Variants in BLOC1S5 observed in about 807,000 individuals in gnomAD.
The protein encoded by BLOC1S5 is biogenesis of lysosome-related organelles complex 1 subunit 5.
In BLOC1S5, 27 loss-of-function variants were observed where a neutral mutation model predicts 24.3. The ratio of observed to expected loss-of-function variants is 1.11; its 90% CI spans 0.82 to 1.53. BLOC1S5 has a LOEUF of 1.53. BLOC1S5 is among the 40% of genes most tolerant of loss of function. BLOC1S5 has a pLI of 0.00. For missense variants in BLOC1S5, 239 were observed against 229.4 expected (o/e 1.04, Z -0.27); for synonymous variants, 84 against 74.5 (o/e 1.13, Z -0.66).
intron 2 of BLOC1S5, among the ~76,000 whole-genome samples, chr6:8,052,390 G>A (rs1764143650): frequency 6.6e-6 from 1 of 152,152 alleles, no homozygotes; most frequent in South Asian, 2.1e-4. Flanking sequence ...TCTGGACAAA[G>A]TAAATTGAAG....
intron 4 of BLOC1S5, among the ~76,000 whole-genome samples, chr6:8,019,083 T>C (rs1002614096): frequency 6.6e-6 from 1 of 152,242 alleles, no homozygotes; most frequent in Non-Finnish European, 1.5e-5. Flanking sequence ...CATATTCAAG[T>C]AGCCTGTTCA....
chr6:8,046,755 T>G (rs1159103667), intron 2 of BLOC1S5, among the ~76,000 whole-genome samples: 1 of 148,142 alleles, frequency 6.8e-6, no homozygotes, highest in African/African-American at 2.5e-5. Flanking sequence ...TATTTCAACC[T>G]GTATCTTTTT....
intron 2 of BLOC1S5, among the ~76,000 whole-genome samples, chr6:8,052,127 C>T (rs539049777): frequency 1.0e-3 from 153 of 151,990 alleles, no homozygotes; most frequent in African/African-American, 3.3e-3. Context: ...CCACCACGCC[C>T]GGCTAATTTT....
rs370625653 is a variant in BLOC1S5, at chr6:8,021,729, GTTATA to G, written c.384+4633_384+4637del. Among the ~76,000 whole-genome samples the G allele has an allele frequency of 5.7e-3, 873 of 152,224 alleles. 7 individuals are homozygous for G. The highest frequency in any genetic ancestry group is 0.02 in the African/African-American group (812 of 41,532). On this transcript the variant is annotated intron_variant, in intron 4 of 4. Transcript: ENST00000397457. ...TTTTAAAATGGTTATGAAGGTAAAT[GTTATA>G]TTATATGAATTTTGCCACAATAAAA...
chr6:8,047,142 C>CCT (rs761994219), intron 2 of BLOC1S5, among the ~76,000 whole-genome samples: 1,476 of 102,228 alleles, frequency 0.014, 23 homozygotes, highest in African/African-American at 0.047. Context: ...AATAAGACCA[C>CCT]CTCTCTCTCT....
chr6:8,054,076 T>C (rs185799933), intron 2 of BLOC1S5, among the ~76,000 whole-genome samples: 1 of 152,346 alleles, frequency 6.6e-6, no homozygotes, highest in East Asian at 1.9e-4. Context: ...TAACTTTGTA[T>C]ATAACACCTT....
Position 8,062,516 on chromosome 6 carries a change from A to G in BLOC1S5, c.195+18T>C, listed in dbSNP as rs770655897. The G allele has an allele frequency of 4.1e-6, 6 of 1,463,270 alleles. No homozygotes were observed. The East Asian group carries it at 9.2e-5, about 22-fold the overall frequency. 90.6% of individuals were successfully genotyped at this position (1,463,270 alleles called of 1,614,324 possible). ...ACAATTAGGGAAGTACTTTTATAAA[A>G]TAAGTTTAAATACTCACTTCAAATT... is the stretch of plus-strand genomic sequence containing the variant. On this transcript the variant is annotated intron_variant, in intron 2 of 4. Transcript: ENST00000397457.
chr6:8,032,367 A>G (rs1302066277), intron 3 of BLOC1S5, among the ~76,000 whole-genome samples: 1 of 152,226 alleles, frequency 6.6e-6, no homozygotes, highest in Non-Finnish European at 1.5e-5. Flanking sequence ...AATGCTCAAT[A>G]TCAATAATTT....
chr6:8,056,979 G>A (rs1008111240), intron 2 of BLOC1S5, among the ~76,000 whole-genome samples: 1 of 152,178 alleles, frequency 6.6e-6, no homozygotes, highest in Non-Finnish European at 1.5e-5. Context: ...CACTTTGGGA[G>A]GCCGAGGCAG....
intron 3 of BLOC1S5, among the ~76,000 whole-genome samples, chr6:8,027,604 C>T (rs1276525076): frequency 2.0e-5 from 3 of 152,158 alleles, no homozygotes; most frequent in African/African-American, 4.8e-5. Flanking sequence ...GAGGCCGTGG[C>T]GGGCAGATCA....
At chr6:8,023,818 G>C (rs187536949) in intron 4 of BLOC1S5, among the ~76,000 whole-genome samples, 1 of 140,728 alleles carries the variant, frequency 7.1e-6, no homozygotes, top group Admixed American at 6.8e-5. Context: ...GTGTGTGTGC[G>C]TGCACATGTG....
In BLOC1S5 at chr6:8,052,319, A is replaced by T. The variant is rs935906310; in HGVS notation, c.195+10215T>A. Among the ~76,000 whole-genome samples, 4 of 152,088 alleles carry T rather than the reference A, an allele frequency of 2.6e-5. 1 individual carries two copies. The highest frequency in any genetic ancestry group is 9.7e-5 in the African/African-American group (4 of 41,392). On this transcript the variant is annotated intron_variant, in intron 2 of 4. Transcript: ENST00000397457. The stretch of plus-strand genomic sequence containing the variant: ...TTAAGAAATCATTTCAACTTTCAAG[A>T]CTTATTATTTAAGAAATAGATTTCT...
intron 4 of BLOC1S5, among the ~76,000 whole-genome samples, chr6:8,023,044 C>A (rs550327772): frequency 6.6e-6 from 1 of 152,224 alleles, no homozygotes; most frequent in East Asian, 1.9e-4. Context: ...TTGAATAGGG[C>A]TTCAAAAGTT....
At position 8,015,661 on chromosome 6, in the gene BLOC1S5, A is replaced by G; in HGVS notation, c.552T>C (p.Phe184=). The change falls in exon 5 of 5, where the codon TTT becomes TTC. Residue 184 remains phenylalanine (F), a synonymous_variant. Coordinates refer to ENST00000397457, the MANE Select transcript of BLOC1S5 (RefSeq NM_201280.3). The part of the protein sequence containing the change: ...YAEMEKDLAK[F]STF Reference sequence around the variant, plus strand: ...GTGGTTCAAGTTCTTAAAAGGTTGAAAATTTCGCTAGGTCCTTCTCCATCT... The same window carrying G: ...GTGGTTCAAGTTCTTAAAAGGTTGAGAATTTCGCTAGGTCCTTCTCCATCT... The G allele has an allele frequency of 6.2e-7, 1 of 1,610,072 alleles. No individual in the cohort carries two copies.
At chr6:8,061,714 CA>C (rs1389452499) in intron 2 of BLOC1S5, among the ~76,000 whole-genome samples, 2 of 152,232 alleles carry the variant, frequency 1.3e-5, no homozygotes, top group African/African-American at 4.8e-5. Context: ...CACAGAATCA[CA>C]AAATTGTTTG....
chr6:8,020,468 TC>T (rs1247837660), intron 4 of BLOC1S5, among the ~76,000 whole-genome samples: 5 of 152,260 alleles, frequency 3.3e-5, no homozygotes, highest in African/African-American at 7.2e-5. Context: ...CCAGTTCTTC[TC>T]CCCCAAAACA....
chr6:8,050,098 G>A (rs1260079160), intron 2 of BLOC1S5, among the ~76,000 whole-genome samples: 1 of 152,142 alleles, frequency 6.6e-6, no homozygotes, highest in Non-Finnish European at 1.5e-5. Context: ...GAAGGTTTGT[G>A]GCAACGCTGT....
chr6:8,049,539 A>G (rs188972533), intron 2 of BLOC1S5, among the ~76,000 whole-genome samples: 3 of 152,270 alleles, frequency 2.0e-5, no homozygotes, highest in Admixed American at 1.3e-4. Context: ...CTCCAAAACT[A>G]TATCTGTAAA....
chr6:8,050,848 G>A (rs1382782406), intron 2 of BLOC1S5, among the ~76,000 whole-genome samples: 1 of 151,806 alleles, frequency 6.6e-6, no homozygotes, highest in Non-Finnish European at 1.5e-5. Context: ...CAGGTGATCT[G>A]CCCGCCTCGG....
Sources: gnomAD v4.1 joint callset for allele counts (sites outside exome capture counted in the v4.1 genomes callset) on GRCh38, gnomAD v4.1.1 for gene constraint, MANE v1.5 for transcripts, NCBI Gene and HGNC (gene_info 2026-07-23, HGNC 2026-07-21) for gene names.